Variants in TMPRSS15 observed in about 807,000 individuals in gnomAD.
TMPRSS15 encodes enteropeptidase.
TMPRSS15 carries 128 observed loss-of-function variants against 125.3 expected under a neutral mutation model. The ratio of observed to expected loss-of-function variants is 1.02; its 90% CI spans 0.89 to 1.18. The LOEUF is 1.18. TMPRSS15 is among the 50% of genes most tolerant of loss of function. TMPRSS15 has a pLI of 0.00. For missense variants in TMPRSS15, 1,283 were observed against 1,212.7 expected (o/e 1.06, Z -0.86); for synonymous variants, 446 against 423.2 (o/e 1.05, Z -0.66).
chr21:18,474,427 A>T (rs900164348), intron 1 of TMPRSS15, among the ~76,000 whole-genome samples: 1 of 151,810 alleles, frequency 6.6e-6, no homozygotes, highest in African/African-American at 2.4e-5. Flanking sequence ...AGTAGCTGGG[A>T]TTACAGACAT....
intron 18 of TMPRSS15, 105 bp from the exon 19 acceptor site, chr21:18,297,934 G>A: frequency 2.5e-6 from 2 of 802,200 alleles, no homozygotes; most frequent in South Asian, 1.6e-5. Flanking sequence ...AACAAATTAT[G>A]GGATACCAGC....
Position 18,358,696 on chromosome 21 carries a change from T to G in TMPRSS15, c.880+1061A>C, listed in dbSNP as rs568275409. Among the ~76,000 whole-genome samples, 6 of 152,148 alleles carry G rather than the reference T, an allele frequency of 3.9e-5. No individual in the cohort carries two copies. The East Asian group carries it at 1.2e-3, about 29-fold the overall frequency. ...CCAACACTGTGAACTTATGGTAATT[T>G]AATATATTATACCTCATTTTACTGT... is the stretch of plus-strand genomic sequence containing the variant. On this transcript the variant is annotated intron_variant, in intron 8 of 24. Transcript: ENST00000284885.
intron 6 of TMPRSS15, among the ~76,000 whole-genome samples, chr21:18,367,290 T>G (rs2075747614): frequency 6.6e-6 from 1 of 152,200 alleles, no homozygotes; most frequent in Non-Finnish European, 1.5e-5. Flanking sequence ...TTATGCATAA[T>G]GATTACTGCA....
intron 1 of TMPRSS15, among the ~76,000 whole-genome samples, chr21:18,446,743 C>T (rs1207532436): frequency 2.0e-5 from 3 of 152,058 alleles, no homozygotes; most frequent in African/African-American, 2.4e-5. Flanking sequence ...ATCCACATGT[C>T]GAAGAATAAA....
intron 3 of TMPRSS15, among the ~76,000 whole-genome samples, chr21:18,395,278 CTTTT>C (rs2076024542): frequency 6.6e-6 from 1 of 152,148 alleles, no homozygotes; most frequent in Non-Finnish European, 1.5e-5. Flanking sequence ...GTCTTGAGTA[CTTTT>C]TTAATATAAA....
intron 1 of TMPRSS15, among the ~76,000 whole-genome samples, chr21:18,413,311 T>TC (rs1555911455): frequency 4.1e-4 from 18 of 44,400 alleles, no homozygotes; most frequent in South Asian, 8.8e-4. Context: ...CTTTTCTTTC[T>TC]TTTCCTTCCT....
chr21:18,379,173 T>C, intron 5 of TMPRSS15, 110 bp downstream of exon 5: 1 of 434,994 alleles, frequency 2.3e-6, no homozygotes, highest in Non-Finnish European at 4.0e-6. Context: ...GTCTATAAAA[T>C]AGGCACAATA....
rs1048569922 is a variant in TMPRSS15, at chr21:18,290,797, A to G, written c.2486+3473T>C. Among the ~76,000 whole-genome samples, 17 of 151,536 alleles carry G rather than the reference A, an allele frequency of 1.1e-4. No homozygotes were observed. In the East Asian group the frequency reaches 1.4e-3, roughly 12 times the overall value. ...TTAGTAAAAATACTCTGAGTACTTA[A>G]GAGTATAAAAATACATCTAACCTAC... On this transcript the variant is annotated intron_variant, in intron 21 of 24. Transcript: ENST00000284885.
At chr21:18,423,191 C>T (rs990900535) in intron 1 of TMPRSS15, among the ~76,000 whole-genome samples, 2 of 152,136 alleles carry the variant, frequency 1.3e-5, no homozygotes, top group African/African-American at 4.8e-5. Flanking sequence ...CTTTGGATTT[C>T]TCTTTCTTTA....
intron 5 of TMPRSS15, among the ~76,000 whole-genome samples, chr21:18,377,092 G>C (rs1366330512): frequency 6.6e-6 from 1 of 152,074 alleles, no homozygotes; most frequent in Non-Finnish European, 1.5e-5. Flanking sequence ...TGCCGTATGA[G>C]AGGAATAAAC....
chr21:18,461,753 A>C (rs1978555224), intron 1 of TMPRSS15, among the ~76,000 whole-genome samples: 1 of 152,086 alleles, frequency 6.6e-6, no homozygotes, highest in South Asian at 2.1e-4. Flanking sequence ...AAAACTATAT[A>C]ATTTTTGTCA....
In TMPRSS15 at chr21:18,368,157, T is replaced by C. The variant is rs147170020; in HGVS notation, c.665-2909A>G. On this transcript the variant is annotated intron_variant, in intron 6 of 24. Coordinates refer to ENST00000284885, the MANE Select transcript of TMPRSS15 (RefSeq NM_002772.3). ...ATCCCTTTAAGCATCTGTAAAAACCTGTTTGTAAAGCTGATAAAATTTTAG... is the reference window on the plus strand; with the variant it reads ...ATCCCTTTAAGCATCTGTAAAAACCCGTTTGTAAAGCTGATAAAATTTTAG... Among the ~76,000 whole-genome samples, 1,084 of 152,266 alleles carry C rather than the reference T, an allele frequency of 7.1e-3. 17 individuals are homozygous for C. The highest frequency in any genetic ancestry group is 0.025 in the African/African-American group (1,028 of 41,554).
chr21:18,309,622 G>A (rs9941891), intron 18 of TMPRSS15, among the ~76,000 whole-genome samples: 4,929 of 151,984 alleles, frequency 0.032, 252 homozygotes, highest in African/African-American at 0.11. Flanking sequence ...GGTGAAGGAT[G>A]CGAACAGACA....
chr21:18,483,593 G>A (rs989985381), intron 1 of TMPRSS15, among the ~76,000 whole-genome samples: 1 of 151,680 alleles, frequency 6.6e-6, no homozygotes, highest in Non-Finnish European at 1.5e-5. Flanking sequence ...AGAGATTTGG[G>A]TATTTGTCTA....
chr21:18,392,346 T>C (rs1008772892), intron 3 of TMPRSS15, among the ~76,000 whole-genome samples: 4 of 152,162 alleles, frequency 2.6e-5, no homozygotes, highest in African/African-American at 7.2e-5. Flanking sequence ...ATCATCACTC[T>C]CAAGTTCAAA....
intron 17 of TMPRSS15, among the ~76,000 whole-genome samples, chr21:18,314,234 T>C (rs543840859): frequency 5.9e-5 from 9 of 152,296 alleles, no homozygotes; most frequent in African/African-American, 2.2e-4. Context: ...GGCAGCCACT[T>C]ATCATTTCCA....
At chr21:18,450,262 CAT>C (rs2076264949) in intron 1 of TMPRSS15, among the ~76,000 whole-genome samples, 2 of 151,404 alleles carry the variant, frequency 1.3e-5, no homozygotes, top group African/African-American at 4.9e-5. Flanking sequence ...CATTGTTTTA[CAT>C]GTTTTTTTTT....
intron 1 of TMPRSS15, among the ~76,000 whole-genome samples, chr21:18,401,047 C>G (rs752724310): frequency 3.3e-5 from 5 of 152,018 alleles, no homozygotes; most frequent in Non-Finnish European, 7.4e-5. Context: ...TCATGCTGGT[C>G]GGAATGGCTA....
At chr21:18,464,569 A>G (rs956133138) in intron 1 of TMPRSS15, among the ~76,000 whole-genome samples, 2 of 152,180 alleles carry the variant, frequency 1.3e-5, no homozygotes, top group Non-Finnish European at 2.9e-5. Context: ...AAAATATGAT[A>G]AAGGGGATAT....
Sources: allele counts gnomAD v4.1 joint callset (sites outside exome capture counted in the v4.1 genomes callset), GRCh38; gene constraint gnomAD v4.1.1; transcripts MANE v1.5; gene names NCBI Gene and HGNC (gene_info 2026-07-23, HGNC 2026-07-21).